Variants in USP20 observed in about 807,000 individuals in gnomAD.
USP20 encodes the protein ubiquitin specific peptidase 20, also known as ubiquitin carboxyl-terminal hydrolase 20.
A neutral mutation model predicts 124.2 loss-of-function variants in USP20; 80 were observed. That is an observed-to-expected ratio of 0.64 (90% confidence interval 0.54 to 0.78). USP20 has a LOEUF of 0.78. Among genes scored for constraint, USP20 ranks in the 30% least tolerant of loss-of-function variants. USP20 has a pLI of 0.00. For synonymous variants in USP20, 481 were observed against 512.3 expected, an observed-to-expected ratio of 0.94 and a Z score of 0.83; for missense variants, 1,043 against 1,244.4, an observed-to-expected ratio of 0.84 and a Z score of 2.44.
Position 129,868,326 on chromosome 9 carries a change from C to T in USP20, c.1012C>T (p.Arg338Cys), listed in dbSNP as rs754072984. 53 of 1,613,532 alleles carry T rather than the reference C, an allele frequency of 3.3e-5. No homozygotes were observed. In the Middle Eastern group the frequency reaches 1.3e-3, roughly 40 times the overall value. The change falls in exon 11 of 26, where the codon CGT becomes TGT. Residue 338 changes from arginine to cysteine, a missense_variant. Transcript: ENST00000372429. ...KDRKFSWGQQ[R>C]TNSEQVDEDA... ...CCGCAAGTTCTCCTGGGGCCAGCAG[C>T]GTACAAACTCGGAGCAAGTGGACGA...
intron 15 of USP20, among the ~76,000 whole-genome samples, chr9:129,871,157 A>G (rs1440474913): frequency 6.6e-6 from 1 of 152,060 alleles, no homozygotes; most frequent in East Asian, 1.9e-4. Flanking sequence ...CCTGAAACTC[A>G]GTATCCGTGA....
intron 23 of USP20, 82 bp downstream of exon 23, chr9:129,878,522 C>G (rs1291248177): frequency 1.6e-6 from 2 of 1,286,854 alleles, no homozygotes; most frequent in African/African-American, 1.5e-5. Flanking sequence ...GGCTGGCACA[C>G]AGGGGCTCCT....
At chr9:129,873,895 G>T in intron 17 of USP20, 151 bp downstream of exon 17, 1 of 970,608 alleles carries the variant, frequency 1.0e-6, no homozygotes, top group East Asian at 2.6e-5. Flanking sequence ...GAAACCTCTG[G>T]GAAGGGTTGG....
In USP20 at chr9:129,879,623, G is replaced by T; in HGVS notation, c.2563G>T (p.Gly855Cys). The change falls in exon 24 of 26, where the codon GGC (glycine) becomes TGC (cysteine). Residue 855 changes from glycine to cysteine, a missense_variant. Physicochemically the swap from Gly to Cys is radical, Grantham distance 159. Coordinates refer to ENST00000372429, the MANE Select transcript of USP20 (RefSeq NM_001110303.4). This position sits in a 1 kb window ranked among gnomAD's most constrained non-coding sequence, Gnocchi z 4.2. Reference protein sequence around the residue: ...NSRIAQVKGSGHVQLKQGADY... With the variant: ...NSRIAQVKGSCHVQLKQGADY... ...CAGGATTGCACAGGTCAAAGGAAGC[G>T]GCCATGTCCAGCTGAAGCAGGGTGA... The T allele has an allele frequency of 6.2e-7, 1 of 1,613,876 alleles. No homozygotes were observed. Among genetic ancestry groups the T allele is most frequent in the Non-Finnish European group, 8.5e-7 (1 of 1,179,998 alleles).
In USP20 at chr9:129,857,921, G is replaced by C. The variant is rs2033298438; in HGVS notation, c.136-129G>C. 3.7e-5 allele frequency: 29 copies of C among 787,534 alleles called. No individual in the cohort carries two copies. In the South Asian group the frequency reaches 4.5e-4, roughly 12 times the overall value. 48.8% of individuals were successfully genotyped at this position (787,534 alleles called of 1,614,324 possible). On this transcript the variant is annotated intron_variant, in intron 4 of 25. Transcript: ENST00000372429. ...AGACCCGTGTTCCTTTGAGATGGCA[G>C]AGCCTCAGTCCCTTGTGGCCCCTAT...
chr9:129,843,307 G>A lies in USP20; in HGVS notation c.-128-6506G>A, dbSNP rs562856063. Among the ~76,000 whole-genome samples the A allele has an allele frequency of 4.6e-5, 7 of 152,146 alleles. No individual in the cohort carries two copies. The South Asian group carries it at 1.5e-3, about 32-fold the overall frequency. ...TATGTGGGTGTGATGGTGGATTCCTGTAATCCCAGCTACTCTAGAGGCTGA... is the reference window on the plus strand; with the variant it reads ...TATGTGGGTGTGATGGTGGATTCCTATAATCCCAGCTACTCTAGAGGCTGA... On this transcript the variant is annotated intron_variant, in intron 1 of 25. Transcript: ENST00000372429.
intron 6 of USP20, among the ~76,000 whole-genome samples, chr9:129,859,026 T>C (rs934708885): frequency 6.6e-6 from 1 of 151,918 alleles, no homozygotes; most frequent in African/African-American, 2.4e-5. Flanking sequence ...ACAGCACACT[T>C]CTCTATGGGA....
chr9:129,858,411 T>C (rs560280675), intron 5 of USP20, 56 bp from the exon 6 acceptor site: 1 of 1,609,868 alleles, frequency 6.2e-7, no homozygotes, highest in Admixed American at 1.7e-5. Flanking sequence ...CATTACAGGT[T>C]GGGGCACTTG....
chr9:129,857,715 C>G (rs2033286694), intron 4 of USP20, among the ~76,000 whole-genome samples: 1 of 152,220 alleles, frequency 6.6e-6, no homozygotes, highest in South Asian at 2.1e-4. Flanking sequence ...CCCCACTTCA[C>G]ATGGGGTTTT....
In USP20 at chr9:129,844,719, C is replaced by A. The variant is rs566272898; in HGVS notation, c.-128-5094C>A. Among the ~76,000 whole-genome samples, 8 of 150,362 alleles carry A rather than the reference C, an allele frequency of 5.3e-5. No homozygotes were observed. The South Asian group carries it at 1.7e-3, about 32-fold the overall frequency. ...TAACCATATTTTTTTTCCTGTACAG[C>A]AGGATTACAGGTGATTTTTATTTCA... On this transcript the variant is annotated intron_variant, in intron 1 of 25. Transcript: ENST00000372429.
At chr9:129,846,245 A>ATTTTTTTTTTTTTTTT (rs1169724263) in intron 1 of USP20, among the ~76,000 whole-genome samples, 1 of 43,378 alleles carries the variant, frequency 2.3e-5, no homozygotes, top group Non-Finnish European at 4.1e-5. Context: ...ATATATATAT[A>ATTTTTTTTTTTTTTTT]TATTTTTTTT....
At chr9:129,870,058 G>A in intron 14 of USP20, 2 of 624,484 alleles carry the variant, frequency 3.2e-6, no homozygotes, top group Non-Finnish European at 5.5e-6. Flanking sequence ...CTTGGAGCTG[G>A]AGGGCGATGG....
At chr9:129,844,197 G>T (rs897686287) in intron 1 of USP20, among the ~76,000 whole-genome samples, 8 of 152,116 alleles carry the variant, frequency 5.3e-5, no homozygotes, top group Non-Finnish European at 1.2e-4. Context: ...GGGTTGTATA[G>T]CTTAAATTAT....
chr9:129,868,472 G>A (rs544725562), intron 11 of USP20, 23 bp downstream of exon 11: 20 of 1,600,676 alleles, frequency 1.2e-5, no homozygotes, highest in East Asian at 1.1e-4. Flanking sequence ...CGGGGACTGC[G>A]GGAGGAACCT....
At position 129,879,146 on chromosome 9, in the gene USP20, C is replaced by G. The variant is rs997535592; in HGVS notation, c.2513-427C>G. Among the ~76,000 whole-genome samples the G allele has an allele frequency of 1.3e-5, 2 of 152,266 alleles. No individual in the cohort carries two copies. Among genetic ancestry groups the G allele is most frequent in the African/African-American group, 4.8e-5 (2 of 41,472 alleles). On this transcript the variant is annotated intron_variant, in intron 23 of 25. Coordinates refer to ENST00000372429, the MANE Select transcript of USP20 (RefSeq NM_001110303.4). This position sits in a 1 kb window ranked among gnomAD's most constrained non-coding sequence, Gnocchi z 4.2. ...AGAATGTAGCTCCGGAGCCCTCGCC[C>G]TGGCCTGGACGCTGGCCTTGCCTTC...
At position 129,878,439 on chromosome 9, in the gene USP20, C is replaced by T. The variant is rs777742856; in HGVS notation, c.2511C>T (p.Asn837=). 22 of 1,603,380 alleles carry T rather than the reference C, an allele frequency of 1.4e-5. No homozygotes were observed. The highest frequency in any genetic ancestry group is 5.6e-5 in the South Asian group (5 of 89,486). ...EWEAFVKGKD[N]EPPGPIDNSR... ...AGGCGTTCGTCAAGGGGAAGGACAA[C>T]GGTGAGCTGAGGGGGGACCTGGCAC... is the stretch of plus-strand genomic sequence containing the variant. Residue 837 remains asparagine, a splice_region_variant and synonymous_variant, in exon 23 of 26, where the codon AAC becomes AAT. Coordinates refer to ENST00000372429, the MANE Select transcript of USP20 (RefSeq NM_001110303.4).
chr9:129,869,557 T>C (rs1244075880), intron 13 of USP20, 115 bp from the exon 14 acceptor site: 10 of 1,537,576 alleles, frequency 6.5e-6, no homozygotes, highest in Non-Finnish European at 8.9e-6. Flanking sequence ...CCTGCCTGCG[T>C]GGATCCCGTG....
chr9:129,854,972 G>A (rs4240438), intron 3 of USP20, among the ~76,000 whole-genome samples: 131,478 of 152,170 alleles, frequency 0.86, 57,154 homozygotes, highest in East Asian at 0.98. Flanking sequence ...CTTGGTGAGA[G>A]GTTTGTGACC....
At chr9:129,851,663 CT>C (rs1412454020) in intron 2 of USP20, among the ~76,000 whole-genome samples, 1 of 152,142 alleles carries the variant, frequency 6.6e-6, no homozygotes. Flanking sequence ...TTTTATACCC[CT>C]GATTTAAAAG....
Sources: gnomAD v4.1 joint callset for allele counts (sites outside exome capture counted in the v4.1 genomes callset) on GRCh38, gnomAD v4.1.1 for gene constraint, Gnocchi (gnomAD v3.1) non-coding constraint, MANE v1.5 for transcripts, NCBI Gene and HGNC (gene_info 2026-07-23, HGNC 2026-07-21) for gene names.